The following RARB variants were observed in gnomAD, a reference collection of about 807,000 sequenced individuals.
The protein encoded by RARB is HBV-activated protein.
In RARB, 17 loss-of-function variants were observed where a neutral mutation model predicts 51.9. That is an observed-to-expected ratio of 0.33 (90% CI 0.22 to 0.49). The LOEUF (loss-of-function observed/expected upper bound fraction) is 0.49, where lower values mean the gene tolerates loss of function less well. RARB is among the 20% of genes least tolerant of loss of function. The pLI, the probability that RARB is intolerant of heterozygous loss-of-function variation, is 0.99. For synonymous variants in RARB, 215 were observed against 195.4 expected, an observed-to-expected ratio of 1.10 and a Z score of -0.84; for missense variants, 369 against 550.8, an observed-to-expected ratio of 0.67 and a Z score of 3.30.
At chr3:25,177,466 T>C (rs967466220) in intron 5 of RARB, among the ~76,000 whole-genome samples, 2 of 152,236 alleles carry the variant, frequency 1.3e-5, no homozygotes, top group East Asian at 1.9e-4. Context: ...ATTCATGTCA[T>C]TGAACTGTAG....
At chr3:25,521,027 A>G (rs1410757029) in intron 3 of RARB, among the ~76,000 whole-genome samples, 1 of 152,222 alleles carries the variant, frequency 6.6e-6, no homozygotes, top group Non-Finnish European at 1.5e-5. Context: ...AAAGCTGTCA[A>G]AGTGCTTTGA....
chr3:24,923,368 C>T (rs1195524036), intron 2 of RARB, among the ~76,000 whole-genome samples: 3 of 152,062 alleles, frequency 2.0e-5, no homozygotes, highest in Non-Finnish European at 2.9e-5. Context: ...GGCATAATAA[C>T]ATTAATCATG....
At chr3:25,360,146 A>C (rs901779932) in intron 5 of RARB, among the ~76,000 whole-genome samples, 8 of 152,156 alleles carry the variant, frequency 5.3e-5, no homozygotes, top group African/African-American at 1.9e-4. Flanking sequence ...TTGTTTTATG[A>C]ATCTGGGTGC....
chr3:25,456,002 C>T (rs913767017), intron 1 of RARB, among the ~76,000 whole-genome samples: 2 of 152,208 alleles, frequency 1.3e-5, no homozygotes, highest in Admixed American at 1.3e-4. Flanking sequence ...TCTTTTCCCC[C>T]TGGGAAGTCT....
At position 24,923,228 on chromosome 3, in the gene RARB, T is replaced by C. The variant is rs531862942; in HGVS notation, c.-380+64476T>C. Among the ~76,000 whole-genome samples, 11 of 152,326 alleles carry C rather than the reference T, an allele frequency of 7.2e-5. No homozygotes were observed. The South Asian group carries it at 2.1e-3, about 29-fold the overall frequency. Reference sequence around the variant, plus strand: ...TATAGTTTAATTCTAGCAATATATTTGAAGTGCTTAGATAGCAAACCTCTC... The same window carrying C: ...TATAGTTTAATTCTAGCAATATATTCGAAGTGCTTAGATAGCAAACCTCTC... On this transcript the variant is annotated intron_variant, in intron 2 of 11. Transcript: ENST00000383772.
chr3:25,335,288 A>G (rs11720675), intron 5 of RARB, among the ~76,000 whole-genome samples: 19,357 of 152,210 alleles, frequency 0.13, 1,399 homozygotes, highest in South Asian at 0.19. Flanking sequence ...CACACACATC[A>G]TGAAATTCTA....
At chr3:25,583,096 T>C (rs1701246207) in intron 5 of RARB, among the ~76,000 whole-genome samples, 1 of 151,964 alleles carries the variant, frequency 6.6e-6, no homozygotes, top group African/African-American at 2.4e-5. Context: ...GGGAGGAAAA[T>C]GTCCCGATAG....
chr3:25,549,905 T>C (rs1160583641), intron 3 of RARB, among the ~76,000 whole-genome samples: 1 of 152,132 alleles, frequency 6.6e-6, no homozygotes, highest in Non-Finnish European at 1.5e-5. Flanking sequence ...TAAGCCCAGC[T>C]GTCTCTCTCT....
At chr3:25,540,366 G>T (rs923467097) in intron 3 of RARB, among the ~76,000 whole-genome samples, 1 of 146,152 alleles carries the variant, frequency 6.8e-6, no homozygotes, top group Non-Finnish European at 1.5e-5. Context: ...GTCTGGGCAG[G>T]CCCCAACTCT....
At chr3:25,503,994 C>A (rs1697441345) in intron 3 of RARB, among the ~76,000 whole-genome samples, 1 of 152,158 alleles carries the variant, frequency 6.6e-6, no homozygotes, top group Non-Finnish European at 1.5e-5. Flanking sequence ...ACCTCTCCTC[C>A]CCATGCCTTC....
intron 3 of RARB, among the ~76,000 whole-genome samples, chr3:25,067,950 G>A (rs568582618): frequency 7.9e-5 from 12 of 151,328 alleles, no homozygotes; most frequent in African/African-American, 2.2e-4. Context: ...CAGGCTGGCC[G>A]GCATGGTAAA....
intron 2 of RARB, among the ~76,000 whole-genome samples, chr3:24,940,443 C>T (rs934071418): frequency 7.4e-5 from 8 of 108,768 alleles, no homozygotes; most frequent in Non-Finnish European, 1.2e-4. Context: ...CCTCTTTTTA[C>T]AACAAGAGAA....
At chr3:25,565,162 C>T (rs568200192) in intron 3 of RARB, among the ~76,000 whole-genome samples, 8 of 152,276 alleles carry the variant, frequency 5.3e-5, no homozygotes, top group East Asian at 1.9e-4. Context: ...TAGACTCAGA[C>T]GCAGCGGAGC....
intron 5 of RARB, among the ~76,000 whole-genome samples, chr3:25,409,622 T>G (rs1490276253): frequency 6.6e-6 from 1 of 152,156 alleles, no homozygotes; most frequent in African/African-American, 2.4e-5. Context: ...TTCTGAAAAT[T>G]TAAAAGCACC....
At chr3:25,218,313 G>A (rs373754261) in intron 5 of RARB, among the ~76,000 whole-genome samples, 15 of 152,026 alleles carry the variant, frequency 9.9e-5, no homozygotes, top group South Asian at 2.1e-4. Context: ...GTGTGCGCGC[G>A]TGTGCACACA....
intron 2 of RARB, among the ~76,000 whole-genome samples, chr3:24,995,583 A>G (rs1697003823): frequency 6.6e-6 from 1 of 152,058 alleles, no homozygotes; most frequent in Non-Finnish European, 1.5e-5. Context: ...TTCCCCATTC[A>G]GTAAGATGGT....
intron 2 of RARB, among the ~76,000 whole-genome samples, chr3:25,048,412 C>A (rs376223022): frequency 6.6e-6 from 1 of 152,210 alleles, no homozygotes; most frequent in Non-Finnish European, 1.5e-5. Context: ...GTACACACAA[C>A]TTTCCTATAT....
chr3:25,168,795 A>G (rs769627093), intron 4 of RARB, among the ~76,000 whole-genome samples: 13 of 152,344 alleles, frequency 8.5e-5, no homozygotes, highest in Non-Finnish European at 1.6e-4. Flanking sequence ...AATGGAGACA[A>G]CAAAACAGAA....
At chr3:24,872,901 C>T (rs369889345) in intron 2 of RARB, among the ~76,000 whole-genome samples, 4 of 152,190 alleles carry the variant, frequency 2.6e-5, no homozygotes, top group East Asian at 3.9e-4. Context: ...TTGACTCTCA[C>T]TTACTGTCCT....
Sources: gnomAD v4.1 joint callset for allele counts (sites outside exome capture counted in the v4.1 genomes callset) on GRCh38, gnomAD v4.1.1 for gene constraint, MANE v1.5 for transcripts, NCBI Gene and HGNC (gene_info 2026-07-23, HGNC 2026-07-21) for gene names.